The following CHSY3 variants were observed in gnomAD, a reference collection of about 807,000 sequenced individuals.
CHSY3 encodes N-acetylgalactosaminyl-proteoglycan 3-beta-glucuronosyltransferase 3.
CHSY3 carries 35 observed loss-of-function variants against 67.2 expected under a neutral mutation model. The observed-to-expected ratio is 0.52, with a 90% confidence interval of 0.40 to 0.69. The LOEUF is 0.69. CHSY3 is among the 30% of genes least tolerant of loss of function. The pLI, the probability that CHSY3 is intolerant of heterozygous loss-of-function variation, is 0.00. For missense variants in CHSY3, 1,069 were observed against 1,138.5 expected (o/e 0.94, Z 0.88); for synonymous variants, 474 against 434.7 (o/e 1.09, Z -1.12).
At chr5:130,175,484 T>C (rs1770017578) in intron 2 of CHSY3, among the ~76,000 whole-genome samples, 1 of 152,190 alleles carries the variant, frequency 6.6e-6, no homozygotes. Flanking sequence ...ATTGACTTTC[T>C]TCACAGAATT....
intron 2 of CHSY3, among the ~76,000 whole-genome samples, chr5:129,959,371 A>G (rs751448724): frequency 7.2e-5 from 11 of 152,020 alleles, no homozygotes; most frequent in African/African-American, 2.2e-4. Context: ...CACATTTCCT[A>G]TAGCTACCTA....
chr5:130,128,581 C>A (rs1042390814), intron 2 of CHSY3, among the ~76,000 whole-genome samples: 1 of 151,966 alleles, frequency 6.6e-6, no homozygotes, highest in Non-Finnish European at 1.5e-5. Flanking sequence ...AGTGGAGATC[C>A]TTTATGCAGC....
intron 2 of CHSY3, among the ~76,000 whole-genome samples, chr5:130,002,396 T>C (rs1329595876): frequency 6.6e-6 from 1 of 152,216 alleles, no homozygotes; most frequent in African/African-American, 2.4e-5. Context: ...TTTCTGGATG[T>C]GCCCCAGTTG....
At chr5:130,172,320 CTTTTCTTTT>C (rs950981254) in intron 2 of CHSY3, among the ~76,000 whole-genome samples, 33 of 4,104 alleles carry the variant, frequency 8.0e-3, no homozygotes, top group Admixed American at 0.016. Context: ...CTTTTCTTTT[CTTTTCTTTT>C]TTTTTTTTTT....
intron 2 of CHSY3, among the ~76,000 whole-genome samples, chr5:130,151,905 A>G (rs1769242212): frequency 6.6e-6 from 1 of 152,184 alleles, no homozygotes. Context: ...GGCAAAATTC[A>G]TCCCCTCACA....
chr5:130,008,379 A>T (rs1763938502), intron 2 of CHSY3, among the ~76,000 whole-genome samples: 1 of 152,216 alleles, frequency 6.6e-6, no homozygotes, highest in African/African-American at 2.4e-5. Flanking sequence ...TGGCCCCCTG[A>T]AATCATTGAG....
At chr5:130,039,176 T>A (rs1764939630) in intron 2 of CHSY3, among the ~76,000 whole-genome samples, 1 of 152,114 alleles carries the variant, frequency 6.6e-6, no homozygotes, top group Non-Finnish European at 1.5e-5. Context: ...TAGAGTCATT[T>A]AGAGTATCTA....
At chr5:129,970,361 T>C (rs1042025623) in intron 2 of CHSY3, among the ~76,000 whole-genome samples, 1 of 151,408 alleles carries the variant, frequency 6.6e-6, no homozygotes, top group Admixed American at 6.6e-5. Flanking sequence ...GATGGATGGA[T>C]GGATGCATGG....
intron 2 of CHSY3, among the ~76,000 whole-genome samples, chr5:130,147,523 A>T (rs1769107471): frequency 6.6e-6 from 1 of 152,204 alleles, no homozygotes. Flanking sequence ...CTTCTATAAC[A>T]TCAAGCATTT....
rs550371135 is a variant in CHSY3 at position 129,912,441 on chromosome 5, A to G, written c.1086+4081A>G. Among the ~76,000 whole-genome samples the G allele has an allele frequency of 3.7e-4, 56 of 152,158 alleles. No individual in the cohort carries two copies. In the East Asian group the frequency reaches 0.011, roughly 29 times the overall value. On this transcript the variant is annotated intron_variant, in intron 2 of 2. Coordinates refer to ENST00000305031, the MANE Select transcript of CHSY3 (RefSeq NM_175856.5). ...TGGGAACCTCCTCCTGGTGTACCTC[A>G]GGTCTTTGAGGTAATGATCTGCAGC...
intron 2 of CHSY3, among the ~76,000 whole-genome samples, chr5:130,152,108 T>C (rs1236739971): frequency 6.6e-6 from 1 of 152,226 alleles, no homozygotes; most frequent in Non-Finnish European, 1.5e-5. Context: ...AATTGGACTC[T>C]TTTAAGAAAA....
intron 2 of CHSY3, among the ~76,000 whole-genome samples, chr5:130,162,040 C>CAAAAAAA (rs371228605): frequency 1.5e-5 from 1 of 65,058 alleles, no homozygotes; most frequent in Non-Finnish European, 3.6e-5. Flanking sequence ...GACCCTGTCT[C>CAAAAAAA]AAAAAAAAAA....
intron 2 of CHSY3, among the ~76,000 whole-genome samples, chr5:130,044,138 GGAA>G (rs1561510717): frequency 6.6e-6 from 1 of 151,988 alleles, no homozygotes; most frequent in African/African-American, 2.4e-5. Context: ...TGAAGAAGAA[GGAA>G]TCTACTGAAA....
intron 2 of CHSY3, among the ~76,000 whole-genome samples, chr5:130,115,941 G>A (rs188202683): frequency 1.2e-3 from 180 of 152,258 alleles, no homozygotes; most frequent in African/African-American, 4.1e-3. Context: ...CTTCTACGAT[G>A]GCTCAAAGAC....
At chr5:129,973,970 G>C (rs1011327043) in intron 2 of CHSY3, among the ~76,000 whole-genome samples, 1 of 151,936 alleles carries the variant, frequency 6.6e-6, no homozygotes, top group African/African-American at 2.4e-5. Context: ...TTGGCTCCTA[G>C]GTCTGCAACG....
chr5:130,050,667 G>A (rs1409330557), intron 2 of CHSY3, among the ~76,000 whole-genome samples: 1 of 152,034 alleles, frequency 6.6e-6, no homozygotes, highest in Non-Finnish European at 1.5e-5. Flanking sequence ...ATAGAGTTGG[G>A]TTCAAGTTCT....
At chr5:129,908,591 T>C (rs1326406676) in intron 2 of CHSY3, among the ~76,000 whole-genome samples, 8 of 152,124 alleles carry the variant, frequency 5.3e-5, no homozygotes, top group African/African-American at 1.7e-4. Context: ...CCTATACTTA[T>C]GGCCACATCT....
chr5:129,989,448 C>G (rs1763298065), intron 2 of CHSY3, among the ~76,000 whole-genome samples: 1 of 151,782 alleles, frequency 6.6e-6, no homozygotes, highest in Non-Finnish European at 1.5e-5. Flanking sequence ...TTAGTAGAGA[C>G]TTGTTCTTTT....
At position 129,958,683 on chromosome 5, in the gene CHSY3, A is replaced by G. The variant is rs973638054; in HGVS notation, c.1086+50323A>G. On this transcript the variant is annotated intron_variant, in intron 2 of 2. Transcript: ENST00000305031. Reference sequence around the variant, plus strand: ...GTAGCTGAGACTACAGGCACATGCCACCATGTCTGGCTATTTATTTATTTA... The same window carrying G: ...GTAGCTGAGACTACAGGCACATGCCGCCATGTCTGGCTATTTATTTATTTA... 6.6e-5 allele frequency among the ~76,000 whole-genome samples: 10 copies of G among 152,164 alleles called. No homozygotes were observed. The East Asian group carries it at 1.9e-3, about 29-fold the overall frequency.
Sources: allele counts gnomAD v4.1 joint callset (sites outside exome capture counted in the v4.1 genomes callset), GRCh38; gene constraint gnomAD v4.1.1; transcripts MANE v1.5; gene names NCBI Gene and HGNC (gene_info 2026-07-23, HGNC 2026-07-21).